Variants in TEX36 observed in about 807,000 individuals in gnomAD.
The protein encoded by TEX36 is testis-expressed protein 36.
TEX36 carries 12 observed loss-of-function variants against 13.6 expected under a neutral mutation model. The ratio of observed to expected loss-of-function variants is 0.88; its 90% CI spans 0.56 to 1.43. The LOEUF (loss-of-function observed/expected upper bound fraction) is 1.43. Ranked by LOEUF, TEX36 falls within the 40% of genes most tolerant of loss-of-function variation. The pLI, the probability that TEX36 is intolerant of heterozygous loss-of-function variation, is 0.00. For missense variants in TEX36, 224 were observed against 228.3 expected (o/e 0.98, Z 0.12); for synonymous variants, 93 against 83.0 (o/e 1.12, Z -0.65).
In TEX36 at chr10:125,642,630, A is replaced by G. The variant is rs186281601; in HGVS notation, c.264+18391T>C. Among the ~76,000 whole-genome samples the G allele has an allele frequency of 2.1e-3, 317 of 152,342 alleles. 2 individuals carry two copies. Among genetic ancestry groups the G allele is most frequent in the African/African-American group, 7.1e-3 (296 of 41,572 alleles). ...AGGTGGCTGCCAGGTGTGATATTAAATAATATTGACTTACATCTTAAGAAA... is the reference window on the plus strand; with the variant it reads ...AGGTGGCTGCCAGGTGTGATATTAAGTAATATTGACTTACATCTTAAGAAA... On this transcript the variant is annotated intron_variant, in intron 3 of 3. Coordinates refer to the TEX36 transcript ENST00000526819.
chr10:125,623,454 C>T (rs1221962152), intron 3 of TEX36, among the ~76,000 whole-genome samples: 1 of 152,090 alleles, frequency 6.6e-6, no homozygotes, highest in Non-Finnish European at 1.5e-5. Flanking sequence ...GTGTTCATAA[C>T]CATCACATTT....
intron 1 of TEX36, chr10:125,667,050 G>T: frequency 6.7e-7 from 1 of 1,484,768 alleles, no homozygotes; most frequent in Non-Finnish European, 9.2e-7. Flanking sequence ...GAGGCCTGCA[G>T]GGCTCGGCCA....
At chr10:125,622,163 C>T (rs1846435521) in intron 3 of TEX36, among the ~76,000 whole-genome samples, 1 of 152,294 alleles carries the variant, frequency 6.6e-6, no homozygotes, top group African/African-American at 2.4e-5. Flanking sequence ...TTAATCTCCA[C>T]ATAAAGACAA....
downstream of TEX36, among the ~76,000 whole-genome samples, chr10:125,651,478 G>A (rs1846856908): frequency 6.6e-6 from 1 of 152,094 alleles, no homozygotes; most frequent in Admixed American, 6.6e-5. Context: ...AATAAACTAG[G>A]TATTGATGGG....
chr10:125,591,249 C>T (rs12571171), intron 3 of TEX36, among the ~76,000 whole-genome samples: 2 of 152,178 alleles, frequency 1.3e-5, no homozygotes, highest in Non-Finnish European at 2.9e-5. Context: ...ATTCAATGAG[C>T]GTTTGATGTC....
At chr10:125,653,382 C>G (rs1846892991), downstream of TEX36, among the ~76,000 whole-genome samples, 1 of 150,532 alleles carries the variant, frequency 6.6e-6, no homozygotes, top group Admixed American at 6.7e-5. Flanking sequence ...CAAACTATTG[C>G]AAGGACAGAA....
intron 3 of TEX36, 50 bp from the exon 4 acceptor site, chr10:125,656,246 GTTCTTT>G: frequency 4.6e-6 from 2 of 432,930 alleles, no homozygotes; most frequent in South Asian, 4.9e-5. Flanking sequence ...AGTTCACATA[GTTCTTT>G]TTTTTTTTTT....
At chr10:125,587,232 G>A (rs377447785) in intron 3 of TEX36, among the ~76,000 whole-genome samples, 33 of 152,336 alleles carry the variant, frequency 2.2e-4, no homozygotes, top group African/African-American at 7.9e-4. Context: ...GTGTGCTCCT[G>A]TAGTCCCAGC....
chr10:125,652,296 C>T (rs1846873709), downstream of TEX36, among the ~76,000 whole-genome samples: 2 of 152,234 alleles, frequency 1.3e-5, no homozygotes, highest in Admixed American at 1.3e-4. Flanking sequence ...GAGATATAGA[C>T]CAATGGAACA....
intron 3 of TEX36, among the ~76,000 whole-genome samples, chr10:125,629,843 C>T (rs941604405): frequency 2.6e-5 from 4 of 151,872 alleles, no homozygotes; most frequent in Non-Finnish European, 5.9e-5. Flanking sequence ...GGGTTAGGTC[C>T]GCAAGGCCCT....
At chr10:125,599,638 A>C (rs1337304397) in intron 3 of TEX36, among the ~76,000 whole-genome samples, 1 of 152,184 alleles carries the variant, frequency 6.6e-6, no homozygotes, top group African/African-American at 2.4e-5. Context: ...AGGAACACAC[A>C]CCTTGCTGGA....
intron 3 of TEX36, among the ~76,000 whole-genome samples, chr10:125,644,960 C>T (rs1846745738): frequency 6.6e-6 from 1 of 152,126 alleles, no homozygotes; most frequent in African/African-American, 2.4e-5. Context: ...TAGCAAGGAG[C>T]TGAGAAGGGA....
At chr10:125,651,717 G>C (rs1343673277), downstream of TEX36, among the ~76,000 whole-genome samples, 3 of 152,194 alleles carry the variant, frequency 2.0e-5, no homozygotes, top group African/African-American at 2.4e-5. Context: ...GTCCCTGTTT[G>C]CAGATGACAT....
Position 125,638,965 on chromosome 10 carries a change from G to A in TEX36, c.265-17320C>T, listed in dbSNP as rs922185137. 2.6e-5 allele frequency among the ~76,000 whole-genome samples: 4 copies of A among 152,170 alleles called. 1 individual carries two copies. Among genetic ancestry groups the A allele is most frequent in the Admixed American group, 2.6e-4 (4 of 15,280 alleles). Reference sequence around the variant, plus strand: ...AATTCTTTGTTTTACCTATCATTAGGCTTTCAGTAAATAAATAAATGAAGC... The same window carrying A: ...AATTCTTTGTTTTACCTATCATTAGACTTTCAGTAAATAAATAAATGAAGC... On this transcript the variant is annotated intron_variant, in intron 3 of 3. Transcript: ENST00000526819.
chr10:125,660,720 TC>T (rs1412623245), intron 3 of TEX36, among the ~76,000 whole-genome samples: 5 of 152,158 alleles, frequency 3.3e-5, no homozygotes, highest in Admixed American at 3.3e-4. Context: ...AGTCCCTCCT[TC>T]CCATGGCAGA....
At chr10:125,661,757 A>G (rs2133596294) in intron 2 of TEX36, 89 bp downstream of exon 2, 5 of 1,490,920 alleles carry the variant, frequency 3.4e-6, no homozygotes, top group Middle Eastern at 3.7e-4. Flanking sequence ...TTTCTTACAA[A>G]GAAGAATTGT....
At chr10:125,598,299 C>T (rs186892068) in intron 3 of TEX36, among the ~76,000 whole-genome samples, 100 of 152,332 alleles carry the variant, frequency 6.6e-4, no homozygotes, top group Non-Finnish European at 1.1e-3. Context: ...CTCACCACAA[C>T]GCTTCAGGGT....
chr10:125,619,225 A>T (rs1846398201), downstream of TEX36, among the ~76,000 whole-genome samples: 1 of 152,192 alleles, frequency 6.6e-6, no homozygotes, highest in Non-Finnish European at 1.5e-5. Context: ...GGAGAAAATA[A>T]ACCCTAAAGC....
At chr10:125,580,718 C>T (rs1845872071) in intron 3 of TEX36, among the ~76,000 whole-genome samples, 1 of 152,148 alleles carries the variant, frequency 6.6e-6, no homozygotes, top group Admixed American at 6.5e-5. Flanking sequence ...ACCTCAGCCT[C>T]CCGCTTCCAG....
Sources: allele counts gnomAD v4.1 joint callset (sites outside exome capture counted in the v4.1 genomes callset), GRCh38; gene constraint gnomAD v4.1.1; transcripts MANE v1.5; gene names NCBI Gene and HGNC (gene_info 2026-07-23, HGNC 2026-07-21).